WWOX: variants seen among roughly 807,000 people sequenced by gnomAD.
WWOX encodes WW domain-containing oxidoreductase.
Under a neutral mutation model 46.2 loss-of-function variants are expected in WWOX, and 69 were observed. The observed-to-expected ratio is 1.49, with a 90% CI of 1.23 to 1.82. The LOEUF is 1.82. WWOX is among the 40% of genes most tolerant of loss of function. WWOX has a pLI of 0.00. For missense variants in WWOX, 919 were observed against 542.6 expected (o/e 1.69, Z -6.89); for synonymous variants, 359 against 202.6 (o/e 1.77, Z -6.56).
intron 8 of WWOX, among the ~76,000 whole-genome samples, chr16:78,571,545 T>A (rs942846839): frequency 1.3e-5 from 2 of 152,160 alleles, no homozygotes; most frequent in Non-Finnish European, 2.9e-5. Flanking sequence ...TACCATATTA[T>A]CGAAAGGATG....
At chr16:78,134,869 T>C (rs2033733391) in intron 4 of WWOX, among the ~76,000 whole-genome samples, 1 of 152,238 alleles carries the variant, frequency 6.6e-6, no homozygotes, top group African/African-American at 2.4e-5. Context: ...TATTGTCATA[T>C]GGTGATCCCA....
chr16:78,622,437 G>A (rs528463046), intron 8 of WWOX, among the ~76,000 whole-genome samples: 13 of 152,184 alleles, frequency 8.5e-5, no homozygotes, highest in African/African-American at 3.1e-4. Context: ...AGGTACACAG[G>A]AGGCTGAGAC....
intron 4 of WWOX, among the ~76,000 whole-genome samples, chr16:78,136,209 A>G (rs919646939): frequency 6.6e-6 from 1 of 152,236 alleles, no homozygotes. Flanking sequence ...AAAAGGTTCA[A>G]TAATGATTAC....
intron 2 of WWOX, among the ~76,000 whole-genome samples, chr16:78,109,400 AT>A (rs1411562494): frequency 2.6e-5 from 4 of 152,116 alleles, no homozygotes; most frequent in Admixed American, 2.0e-4. Context: ...ATGAAAAAAA[AT>A]GGCCGTGCCC....
chr16:79,095,351 C>T (rs937491447), intron 8 of WWOX, among the ~76,000 whole-genome samples: 3 of 152,116 alleles, frequency 2.0e-5, no homozygotes, highest in Admixed American at 6.5e-5. Flanking sequence ...CCTCATTAAT[C>T]CTCATAATGG....
intron 8 of WWOX, among the ~76,000 whole-genome samples, chr16:78,433,410 G>A (rs2083267218): frequency 6.6e-6 from 1 of 152,150 alleles, no homozygotes. Flanking sequence ...TCTATGAAAT[G>A]GTTTTAGTAG....
At chr16:79,062,008 T>G (rs1035421995) in intron 8 of WWOX, among the ~76,000 whole-genome samples, 2 of 152,144 alleles carry the variant, frequency 1.3e-5, no homozygotes, top group African/African-American at 4.8e-5. Flanking sequence ...CACCTTAGAA[T>G]CATTTTCTTC....
At chr16:78,663,878 G>A (rs2047271225) in intron 8 of WWOX, among the ~76,000 whole-genome samples, 1 of 152,172 alleles carries the variant, frequency 6.6e-6, no homozygotes, top group South Asian at 2.1e-4. Context: ...TGTGTTCAAG[G>A]GAGAGTAAGT....
chr16:78,823,513 C>G (rs967773787), intron 8 of WWOX, among the ~76,000 whole-genome samples: 6 of 152,182 alleles, frequency 3.9e-5, no homozygotes, highest in Non-Finnish European at 8.8e-5. Flanking sequence ...AGAGAGGTCA[C>G]CTGTCTGTGT....
intron 8 of WWOX, among the ~76,000 whole-genome samples, chr16:78,853,544 C>T (rs1279432433): frequency 6.6e-6 from 1 of 152,190 alleles, no homozygotes; most frequent in Non-Finnish European, 1.5e-5. Flanking sequence ...CCTCACTGCT[C>T]TCCATTACTC....
chr16:78,275,903 AGTGCACTGG>A (rs1327105434), intron 5 of WWOX, among the ~76,000 whole-genome samples: 1 of 151,844 alleles, frequency 6.6e-6, no homozygotes, highest in Non-Finnish European at 1.5e-5. Context: ...CTTGTCGAGG[AGTGCACTGG>A]GAGGGGAGGC....
At chr16:78,743,628 T>TAGAA (rs1277495087) in intron 8 of WWOX, among the ~76,000 whole-genome samples, 2 of 152,136 alleles carry the variant, frequency 1.3e-5, no homozygotes, top group African/African-American at 4.8e-5. Context: ...CCTCCCCACT[T>TAGAA]TTCTGAGTTG....
chr16:78,410,134 C>A (rs924054871), intron 6 of WWOX, among the ~76,000 whole-genome samples: 13 of 152,180 alleles, frequency 8.5e-5, no homozygotes, highest in African/African-American at 3.1e-4. Flanking sequence ...CTTGCCCTCA[C>A]CATGTTAGCT....
chr16:78,109,054 A>G (rs897290902), intron 2 of WWOX, among the ~76,000 whole-genome samples: 4 of 152,210 alleles, frequency 2.6e-5, no homozygotes, highest in African/African-American at 7.2e-5. Context: ...ACAGTTTATG[A>G]TGTTTTCCTA....
intron 5 of WWOX, among the ~76,000 whole-genome samples, chr16:78,249,752 C>A (rs1203997132): frequency 2.0e-5 from 3 of 151,946 alleles, no homozygotes; most frequent in Non-Finnish European, 4.4e-5. Flanking sequence ...CCCTTTCTTC[C>A]CAAGAATTGA....
At chr16:79,161,944 C>T (rs76943787) in intron 8 of WWOX, among the ~76,000 whole-genome samples, 464 of 152,314 alleles carry the variant, frequency 3.0e-3, no homozygotes, top group African/African-American at 0.011. Flanking sequence ...CAAGAGAAGC[C>T]TGGAGATAGG....
At chr16:78,209,631 G>C (rs945394997) in intron 5 of WWOX, among the ~76,000 whole-genome samples, 6 of 151,926 alleles carry the variant, frequency 3.9e-5, no homozygotes, top group Non-Finnish European at 5.9e-5. Flanking sequence ...CAGAGAGAGA[G>C]TATACATGTG....
chr16:78,121,802 C>T (rs1288075266), intron 4 of WWOX, among the ~76,000 whole-genome samples: 2 of 151,944 alleles, frequency 1.3e-5, no homozygotes, highest in African/African-American at 2.4e-5. Context: ...GCTGGGATTA[C>T]AGGTGCACAC....
At chr16:78,986,002 A>G (rs79030237) in intron 8 of WWOX, among the ~76,000 whole-genome samples, 5,772 of 152,178 alleles carry the variant, frequency 0.038, 163 homozygotes, top group Non-Finnish European at 0.06. Context: ...CTGACCTCCA[A>G]TTTTCCTTGA....
Sources: allele counts gnomAD v4.1 joint callset (sites outside exome capture counted in the v4.1 genomes callset), GRCh38; gene constraint gnomAD v4.1.1; transcripts MANE v1.5; gene names NCBI Gene and HGNC (gene_info 2026-07-23, HGNC 2026-07-21).